Variants in LGALS7 observed in about 807,000 individuals in gnomAD.
LGALS7 encodes the protein galectin-7.
LGALS7 carries 4 observed loss-of-function variants against 5.7 expected under a neutral mutation model. That is an observed-to-expected ratio of 0.70 (90% CI 0.34 to 1.60). The LOEUF is 1.60. Ranked by LOEUF, LGALS7 falls within the 40% of genes most tolerant of loss-of-function variation. The probability of loss-of-function intolerance (pLI) is 0.05; values close to 1 mark genes in which losing one functional copy is unlikely to be tolerated. For missense variants in LGALS7, 12 were observed against 72.7 expected (o/e 0.17, Z 3.04); for synonymous variants, 7 against 33.9 (o/e 0.21, Z 2.76).
rs1971095462 is a variant in LGALS7 at position 38,773,283 on chromosome 19, A to T, written c.7-180T>A. The T allele has an allele frequency of 1.4e-5, 3 of 211,082 alleles. No individual in the cohort carries two copies. In the East Asian group the frequency reaches 1.7e-4, roughly 12 times the overall value. 13.1% of individuals were successfully genotyped at this position (211,082 alleles called of 1,614,324 possible). A position where few individuals can be genotyped will look rare whatever the true frequency, so the allele number is the denominator to read the frequency against. ...AACAGACAGGGAAACAGATGGGGAG[A>T]GCAACAAAGACAAACAGAAAGATCC... On this transcript the variant is annotated intron_variant, in intron 1 of 3. Coordinates refer to ENST00000378626, the MANE Select transcript of LGALS7 (RefSeq NM_002307.4).
intron 1 of LGALS7, 22 bp downstream of exon 1, chr19:38,773,465 C>G: frequency 4.3e-6 from 4 of 940,770 alleles, no homozygotes; most frequent in Non-Finnish European, 5.7e-6. Flanking sequence ...TTGGCCCCGC[C>G]CCGGGCCCCT....
Position 38,772,406 on chromosome 19 carries a change from A to G in LGALS7, c.96-376T>C, listed in dbSNP as rs2145325591. Among the ~76,000 whole-genome samples, 2 of 93,612 alleles carry G rather than the reference A, an allele frequency of 2.1e-5. 1 individual carries two copies. The highest frequency in any genetic ancestry group is 9.2e-3 in the Middle Eastern group (2 of 218). The allele number at this position is 93,612 out of a possible 152,430, so 61.4% of individuals were successfully genotyped here. A position where few individuals can be genotyped will look rare whatever the true frequency, so the allele number is the denominator to read the frequency against. On this transcript the variant is annotated intron_variant, in intron 2 of 3. Coordinates refer to ENST00000378626, the MANE Select transcript of LGALS7 (RefSeq NM_002307.4). ...CACACCGCAGAAGGAGAGGTAGGCG[A>G]CTAATGACCAGGGAGCTTAGATTCC... is the stretch of plus-strand genomic sequence containing the variant.
At chr19:38,772,440 C>T (rs1971093276) in intron 2 of LGALS7, among the ~76,000 whole-genome samples, 1 of 83,500 alleles carries the variant, frequency 1.2e-5, no homozygotes, top group Non-Finnish European at 2.5e-5. Context: ...CCCAAGGCAG[C>T]CAAAATATCA....
chr19:38,773,371 C>G lies in LGALS7; in HGVS notation c.6+116G>C. On this transcript the variant is annotated intron_variant, in intron 1 of 3. Transcript: ENST00000378626. ...GGGGACAGTCGGGATGGGGGTTACC[C>G]GGAGGCCACAGCCCAGGCCAGTCCG... 1.3e-5 allele frequency: 5 copies of G among 370,478 alleles called. 1 individual carries two copies. The highest frequency in any genetic ancestry group is 1.3e-3 in the Middle Eastern group (2 of 1,594). The allele number at this position is 370,478 out of a possible 1,614,324, so 22.9% of individuals were successfully genotyped here.
rs1224568105 is a variant in LGALS7, at chr19:38,772,264, C to CA, written c.96-235dup. 2.4e-5 allele frequency among the ~76,000 whole-genome samples: 2 copies of CA among 81,822 alleles called. 1 individual carries two copies. Among genetic ancestry groups the CA allele is most frequent in the Non-Finnish European group, 5.1e-5 (2 of 39,230 alleles). 53.7% of individuals were successfully genotyped at this position (81,822 alleles called of 152,430 possible). A position where few individuals can be genotyped will look rare whatever the true frequency, so the allele number is the denominator to read the frequency against. On this transcript the variant is annotated intron_variant, in intron 2 of 3. Transcript: ENST00000378626. ...GGCAACATAGCGAGACCCCACCTTA[C>CA]AAAAAAACGAAAGAACAAACAAAAC... is the stretch of plus-strand genomic sequence containing the variant.
At position 38,771,995 on chromosome 19, in the gene LGALS7, C is replaced by T. The variant is rs201618082; in HGVS notation, c.131G>A (p.Gly44Asp). 23 of 1,055,764 alleles carry T rather than the reference C, an allele frequency of 2.2e-5. 8 individuals carry two copies. Among genetic ancestry groups the T allele is most frequent in the Non-Finnish European group, 3.0e-5 (23 of 773,080 alleles). The allele number at this position is 1,055,764 out of a possible 1,614,324, so 65.4% of individuals were successfully genotyped here. A position where few individuals can be genotyped will look rare whatever the true frequency, so the allele number is the denominator to read the frequency against. The change falls in exon 3 of 4, where the codon GGC becomes GAC. Residue 44 changes from glycine to aspartate, a missense_variant. Transcript: ENST00000378626. ...GTTGAAATGCAGCGCGGCATCGGAG[C>T]CCTGCTCCTCCCCGCACAGCAGGTT... ...HVNLLCGEEQ[G>D]SDAALHFNPR...
At position 38,771,918 on chromosome 19, in the gene LGALS7, A is replaced by G. The variant is rs758751977; in HGVS notation, c.208T>C (p.Trp70Arg). Reference protein sequence around the residue: ...VVFNSKEQGSWGREERGPGVP... With the variant: ...VVFNSKEQGSRGREERGPGVP... ...CCCGGCCCGCGCTCCTCGCGGCCCC[A>G]GGAGCCTTGCTCCTTGCTGTTGAAG... Residue 70 changes from tryptophan to arginine, a missense_variant, in exon 3 of 4, where the codon TGG becomes CGG. This residue lies in a region of LGALS7 where 12 missense variants were observed against 40.3 expected (regional missense o/e 0.30). Transcript: ENST00000378626. 3 of 1,033,574 alleles carry G rather than the reference A, an allele frequency of 2.9e-6. 1 individual carries two copies. The highest frequency in any genetic ancestry group is 3.9e-6 in the Non-Finnish European group (3 of 760,538). 64.0% of individuals were successfully genotyped at this position (1,033,574 alleles called of 1,614,324 possible). A position where few individuals can be genotyped will look rare whatever the true frequency, so the allele number is the denominator to read the frequency against.
Position 38,772,032 on chromosome 19 carries a change from T to A in LGALS7, c.96-2A>T. Reference sequence around the variant, plus strand: ...CCGCACAGCAGGTTTACATGGAACCTGGAAGAGGAGGATGGTGGCCGTCAG... The same window carrying A: ...CCGCACAGCAGGTTTACATGGAACCAGGAAGAGGAGGATGGTGGCCGTCAG... On this transcript the variant is annotated splice_acceptor_variant, in intron 2 of 3. Coordinates refer to ENST00000378626, the MANE Select transcript of LGALS7 (RefSeq NM_002307.4). LOFTEE classifies it high-confidence loss of function. 1 of 650,616 alleles carries A rather than the reference T, an allele frequency of 1.5e-6. No homozygotes were observed. Among genetic ancestry groups the A allele is most frequent in the Non-Finnish European group, 2.2e-6 (1 of 459,002 alleles). 40.3% of individuals were successfully genotyped at this position (650,616 alleles called of 1,614,324 possible).
In LGALS7 at chr19:38,773,341, G is replaced by C. The variant is rs528238216; in HGVS notation, c.6+146C>G. 2.8e-4 allele frequency: 92 copies of C among 332,822 alleles called. No homozygotes were observed. In the African/African-American group the frequency reaches 3.0e-3, roughly 11 times the overall value. The allele number at this position is 332,822 out of a possible 1,614,324, so 20.6% of individuals were successfully genotyped here. The stretch of plus-strand genomic sequence containing the variant: ...GGGCCCCAGAGGAAGCCACAAAGAG[G>C]TAGAGGGGACAGTCGGGATGGGGGT... On this transcript the variant is annotated intron_variant, in intron 1 of 3. Coordinates refer to ENST00000378626, the MANE Select transcript of LGALS7 (RefSeq NM_002307.4).
Position 38,772,403 on chromosome 19 carries a change from G to A in LGALS7, c.96-373C>T, listed in dbSNP as rs1479319520. Among the ~76,000 whole-genome samples, 8 of 93,866 alleles carry A rather than the reference G, an allele frequency of 8.5e-5. 3 individuals are homozygous for A. Among genetic ancestry groups the A allele is most frequent in the Non-Finnish European group, 1.8e-4 (8 of 43,876 alleles). The allele number at this position is 93,866 out of a possible 152,430, so 61.6% of individuals were successfully genotyped here. A position where few individuals can be genotyped will look rare whatever the true frequency, so the allele number is the denominator to read the frequency against. On this transcript the variant is annotated intron_variant, in intron 2 of 3. Transcript: ENST00000378626. ...GCACACACCGCAGAAGGAGAGGTAG[G>A]CGACTAATGACCAGGGAGCTTAGAT...
In LGALS7 at chr19:38,773,437, C is replaced by T. The variant is rs561626570; in HGVS notation, c.6+50G>A. The T allele has an allele frequency of 2.4e-4, 154 of 652,646 alleles. No individual in the cohort carries two copies. In the African/African-American group the frequency reaches 2.7e-3, roughly 11 times the overall value. The allele number at this position is 652,646 out of a possible 1,614,324, so 40.4% of individuals were successfully genotyped here. A position where few individuals can be genotyped will look rare whatever the true frequency, so the allele number is the denominator to read the frequency against. Reference sequence around the variant, plus strand: ...CCACTTGCTCCTTTGAAAGAGGAGCCCCCAGCCCCCTCCCTGCTTGGCCCC... The same window carrying T: ...CCACTTGCTCCTTTGAAAGAGGAGCTCCCAGCCCCCTCCCTGCTTGGCCCC... On this transcript the variant is annotated intron_variant, in intron 1 of 3. Transcript: ENST00000378626.
At chr19:38,773,355 C>T (rs1263565269) in intron 1 of LGALS7, 132 bp downstream of exon 1, 46 of 348,350 alleles carry the variant, frequency 1.3e-4, no homozygotes, top group East Asian at 8.4e-4. Flanking sequence ...AGGGGACAGT[C>T]GGGATGGGGG....
chr19:38,773,411 C>A (rs1371059657), intron 1 of LGALS7, 76 bp downstream of exon 1: 5 of 515,178 alleles, frequency 9.7e-6, no homozygotes, highest in African/African-American at 7.2e-5. Context: ...ACACTCACTG[C>A]CCACTTGCTC....
intron 1 of LGALS7, 132 bp downstream of exon 1, chr19:38,773,355 C>A: frequency 2.9e-6 from 1 of 348,350 alleles, no homozygotes; most frequent in Non-Finnish European, 4.8e-6. Flanking sequence ...AGGGGACAGT[C>A]GGGATGGGGG....
rs1971094586 is a variant in LGALS7 at position 38,773,042 on chromosome 19, C to T, written c.68G>A (p.Arg23His). The change falls in exon 2 of 4, where the codon CGC becomes CAC. Residue 23 changes from arginine (R) to histidine (H), a missense_variant. Arg to His is a conservative substitution (Grantham distance 29, BLOSUM62 0). Coordinates refer to ENST00000378626, the MANE Select transcript of LGALS7 (RefSeq NM_002307.4). The part of the protein sequence containing the change: ...GIRPGTVLRI[R>H]GLVPPNASRF... ...GCTGGCATTGGGAGGAACCAAGCCGCGAATTCTCAGCACCGTGCCAGGGCG... is the reference window on the plus strand; with the variant it reads ...GCTGGCATTGGGAGGAACCAAGCCGTGAATTCTCAGCACCGTGCCAGGGCG... The T allele has an allele frequency of 1.3e-4, 2 of 15,172 alleles. No individual in the cohort carries two copies. Among genetic ancestry groups the T allele is most frequent in the Admixed American group, 8.1e-4 (2 of 2,456 alleles). The allele number at this position is 15,172 out of a possible 1,614,324, so 0.9% of individuals were successfully genotyped here.
intron 1 of LGALS7, 106 bp downstream of exon 1, chr19:38,773,381 A>G: frequency 2.6e-6 from 1 of 388,368 alleles, no homozygotes; most frequent in Non-Finnish European, 4.3e-6. Flanking sequence ...CGGAGGCCAC[A>G]GCCCAGGCCA....
At position 38,773,506 on chromosome 19, in the gene LGALS7, T is replaced by C. The variant is rs1971097605; in HGVS notation, c.-14A>G. On this transcript the variant is annotated 5_prime_UTR_variant, in exon 1 of 4. Transcript: ENST00000378626. ...ACTCACGGACATGGCTGGGACCGGG[T>C]TGGGCAGCCGTGGTGGTGGGGCCTG... 2.8e-6 allele frequency: 3 copies of C among 1,072,428 alleles called. No homozygotes were observed. The highest frequency in any genetic ancestry group is 3.3e-5 in the East Asian group (1 of 30,586). The allele number at this position is 1,072,428 out of a possible 1,614,324, so 66.4% of individuals were successfully genotyped here.
Position 38,772,387 on chromosome 19 carries a change from G to A in LGALS7, c.96-357C>T, listed in dbSNP as rs145035521. Among the ~76,000 whole-genome samples the A allele has an allele frequency of 3.0e-4, 29 of 95,468 alleles. 1 individual carries two copies. The East Asian group carries it at 4.5e-3, about 15-fold the overall frequency. The allele number at this position is 95,468 out of a possible 152,430, so 62.6% of individuals were successfully genotyped here. ...AGGGACCTGAAGACAGGCACACACC[G>A]CAGAAGGAGAGGTAGGCGACTAATG... On this transcript the variant is annotated intron_variant, in intron 2 of 3. Transcript: ENST00000378626.
In LGALS7 at chr19:38,773,502, C is replaced by A. The variant is rs552070733; in HGVS notation, c.-10G>T. 9.1e-7 allele frequency: 1 copy of A among 1,094,412 alleles called. No homozygotes were observed. The highest frequency in any genetic ancestry group is 1.7e-5 in the African/African-American group (1 of 58,504). The allele number at this position is 1,094,412 out of a possible 1,614,324, so 67.8% of individuals were successfully genotyped here. ...GAGCACTCACGGACATGGCTGGGAC[C>A]GGGTTGGGCAGCCGTGGTGGTGGGG... On this transcript the variant is annotated 5_prime_UTR_variant, in exon 1 of 4. Coordinates refer to ENST00000378626, the MANE Select transcript of LGALS7 (RefSeq NM_002307.4).
Sources: allele counts gnomAD v4.1 joint callset (sites outside exome capture counted in the v4.1 genomes callset), GRCh38; gene constraint gnomAD v4.1.1; regional missense constraint gnomAD v4.1.1; transcripts MANE v1.5; gene names NCBI Gene and HGNC (gene_info 2026-07-23, HGNC 2026-07-21).